MAP3K5: variants seen among roughly 807,000 people sequenced by gnomAD.
MAP3K5 encodes ASK-1.
In MAP3K5, 56 loss-of-function variants were observed where a neutral mutation model predicts 158.7. The ratio of observed to expected loss-of-function variants is 0.35; its 90% CI spans 0.28 to 0.44. The LOEUF (loss-of-function observed/expected upper bound fraction) is 0.44. Among genes scored for constraint, MAP3K5 ranks in the 20% least tolerant of loss-of-function variants. The pLI is 1.00. For synonymous variants in MAP3K5, 579 were observed against 601.7 expected (o/e 0.96, Z 0.55); for missense variants, 1,294 against 1,674.8 (o/e 0.77, Z 3.97).
chr6:136,785,468 C>T (rs959725175), intron 1 of MAP3K5, among the ~76,000 whole-genome samples: 2 of 152,132 alleles, frequency 1.3e-5, no homozygotes, highest in African/African-American at 4.8e-5. Flanking sequence ...CTGAAAGGCC[C>T]GGGCGGATGT....
At chr6:136,764,603 AT>A (rs1378983753) in intron 1 of MAP3K5, among the ~76,000 whole-genome samples, 1 of 152,158 alleles carries the variant, frequency 6.6e-6, no homozygotes, top group East Asian at 1.9e-4. Context: ...AACCCACTAA[AT>A]TGTGAGAGAT....
At chr6:136,573,889 C>T (rs1227826360) in intron 25 of MAP3K5, among the ~76,000 whole-genome samples, 1 of 152,024 alleles carries the variant, frequency 6.6e-6, no homozygotes, top group Non-Finnish European at 1.5e-5. Context: ...GTTACTTCCC[C>T]AGAGGAAGGA....
chr6:136,656,053 A>T (rs1307259817), intron 10 of MAP3K5: 2 of 426,896 alleles, frequency 4.7e-6, no homozygotes, highest in Non-Finnish European at 8.6e-6. Flanking sequence ...CTTAGGAAGT[A>T]CACTCCACCA....
chr6:136,737,298 C>T lies in MAP3K5; in HGVS notation c.449-16709G>A, dbSNP rs143742339. Among the ~76,000 whole-genome samples the T allele has an allele frequency of 9.7e-4, 148 of 152,234 alleles. 1 individual carries two copies. The highest frequency in any genetic ancestry group is 3.4e-3 in the African/African-American group (142 of 41,514). ...TACCTATTGGATATTATGCTCACTA[C>T]ACCTGGGTGATGGGATCATTCGTAC... On this transcript the variant is annotated intron_variant, in intron 1 of 29. Coordinates refer to ENST00000359015, the MANE Select transcript of MAP3K5 (RefSeq NM_005923.4).
chr6:136,695,647 A>G (rs992004846), intron 6 of MAP3K5, among the ~76,000 whole-genome samples: 2 of 152,250 alleles, frequency 1.3e-5, no homozygotes, highest in Admixed American at 1.3e-4. Flanking sequence ...TAAAGATAAC[A>G]TCATATTCAT....
At chr6:136,766,600 G>T (rs1452677116) in intron 1 of MAP3K5, among the ~76,000 whole-genome samples, 3 of 152,188 alleles carry the variant, frequency 2.0e-5, no homozygotes, top group African/African-American at 4.8e-5. Flanking sequence ...GGGAACAGAG[G>T]TCATTAAAGG....
rs1241115801 is a variant in MAP3K5 at position 136,720,519 on chromosome 6, TTC to T, written c.517_518del (p.Glu173LysfsTer13). The T allele has an allele frequency of 6.2e-7, 1 of 1,613,466 alleles. No homozygotes were observed. Among genetic ancestry groups the T allele is most frequent in the Admixed American group, 1.7e-5 (1 of 59,962 alleles). On this transcript the variant is annotated frameshift_variant, in exon 2 of 30. Transcript: ENST00000359015. LOFTEE classifies it high-confidence loss of function. ...PSLFYHLGVR[E>X]SFSMANNIIL... ...TGATGTTGTTGGCCATGCTGAAACT[TTC>T]TCTCACCCCAAGGTGGTAAAACAAG...
intron 14 of MAP3K5, among the ~76,000 whole-genome samples, chr6:136,630,015 T>G (rs1212630835): frequency 2.0e-5 from 3 of 151,810 alleles, no homozygotes. Flanking sequence ...CCTCCCAAAG[T>G]GCTGGGATTA....
intron 1 of MAP3K5, among the ~76,000 whole-genome samples, chr6:136,728,260 TA>T (rs1232777652): frequency 6.6e-6 from 1 of 152,200 alleles, no homozygotes; most frequent in Non-Finnish European, 1.5e-5. Context: ...ATCTGTTAGT[TA>T]AATATCTCAC....
In MAP3K5 at chr6:136,601,834, C is replaced by T. The variant is rs775525063; in HGVS notation, c.2825G>A (p.Ser942Asn). 5 of 1,613,966 alleles carry T rather than the reference C, an allele frequency of 3.1e-6. No homozygotes were observed. The highest frequency in any genetic ancestry group is 4.2e-6 in the Non-Finnish European group (5 of 1,179,958). ...LLVDEFLKVS[S>N]KKKKTQPKLS... Reference sequence around the variant, plus strand: ...CTTAGGTTGTGTCTTTTTCTTTTTGCTTGAAACTTTTAAAAACTCATCAAC... The same window carrying T: ...CTTAGGTTGTGTCTTTTTCTTTTTGTTTGAAACTTTTAAAAACTCATCAAC... The change falls in exon 20 of 30, where the codon AGC (serine) becomes AAC (asparagine). Residue 942 changes from serine (S) to asparagine (N), a missense_variant. Transcript: ENST00000359015.
At position 136,731,146 on chromosome 6, in the gene MAP3K5, C is replaced by A. The variant is rs558981182; in HGVS notation, c.449-10557G>T. On this transcript the variant is annotated intron_variant, in intron 1 of 29. Transcript: ENST00000359015. ...GAGGATGGGCCATGGCTAAAGGGGG[C>A]TTGAAGGGGTCTTCTGGGGTGCTGG... Among the ~76,000 whole-genome samples the A allele has an allele frequency of 4.9e-4, 74 of 152,208 alleles. 2 individuals are homozygous for A. The South Asian group carries it at 0.015, about 32-fold the overall frequency.
intron 25 of MAP3K5, among the ~76,000 whole-genome samples, chr6:136,578,382 GC>G (rs904322391): frequency 2.9e-4 from 44 of 152,272 alleles, no homozygotes; most frequent in African/African-American, 1.0e-3. Flanking sequence ...TCAGGGATCC[GC>G]TGTTTTCCAG....
intron 1 of MAP3K5, among the ~76,000 whole-genome samples, chr6:136,762,142 C>T (rs1005014524): frequency 6.6e-6 from 1 of 152,138 alleles, no homozygotes; most frequent in Non-Finnish European, 1.5e-5. Context: ...GAGAACAACA[C>T]TGTCAGTCTG....
chr6:136,659,192 T>C (rs770109101), intron 9 of MAP3K5, 27 bp downstream of exon 9: 61 of 1,578,864 alleles, frequency 3.9e-5, no homozygotes, highest in Non-Finnish European at 5.2e-5. Flanking sequence ...TTATTAATTG[T>C]ATCAACATAT....
intron 10 of MAP3K5, among the ~76,000 whole-genome samples, chr6:136,651,483 T>C (rs895644912): frequency 6.6e-6 from 1 of 152,314 alleles, no homozygotes; most frequent in Non-Finnish European, 1.5e-5. Context: ...GGTCCATACA[T>C]AGAATGTCAC....
At chr6:136,640,869 T>C (rs1327131021) in intron 12 of MAP3K5, among the ~76,000 whole-genome samples, 1 of 152,216 alleles carries the variant, frequency 6.6e-6, no homozygotes, top group Non-Finnish European at 1.5e-5. Context: ...CCAGGAAGAA[T>C]GAGCTCTCTT....
intron 11 of MAP3K5, among the ~76,000 whole-genome samples, chr6:136,645,073 C>T (rs1321806208): frequency 6.6e-6 from 1 of 152,048 alleles, no homozygotes; most frequent in Non-Finnish European, 1.5e-5. Flanking sequence ...GGACTACAGG[C>T]ACATATCACC....
At chr6:136,730,348 A>T (rs1782167057) in intron 1 of MAP3K5, among the ~76,000 whole-genome samples, 2 of 151,620 alleles carry the variant, frequency 1.3e-5, no homozygotes, top group South Asian at 4.2e-4. Flanking sequence ...GAACACACTA[A>T]ATTGGGGAGT....
chr6:136,664,483 C>T (rs1779144116), intron 8 of MAP3K5, among the ~76,000 whole-genome samples: 1 of 152,162 alleles, frequency 6.6e-6, no homozygotes, highest in Admixed American at 6.5e-5. Context: ...TCCACAAAAC[C>T]AGTCCCTATT....
Sources: allele counts gnomAD v4.1 joint callset (sites outside exome capture counted in the v4.1 genomes callset), GRCh38; gene constraint gnomAD v4.1.1; transcripts MANE v1.5; gene names NCBI Gene and HGNC (gene_info 2026-07-23, HGNC 2026-07-21).